PRMT8: variants seen among roughly 807,000 people sequenced by gnomAD.
PRMT8 encodes the protein protein arginine N-methyltransferase 8.
PRMT8 carries 7 observed loss-of-function variants against 47.1 expected under a neutral mutation model. That is an observed-to-expected ratio of 0.15 (90% confidence interval 0.08 to 0.28). The LOEUF (loss-of-function observed/expected upper bound fraction) is 0.28. Among genes scored for constraint, PRMT8 ranks in the 10% least tolerant of loss-of-function variants. The probability of loss-of-function intolerance (pLI) is 1.00; values close to 1 mark genes in which losing one functional copy is unlikely to be tolerated. For synonymous variants in PRMT8, 188 were observed against 186.5 expected (o/e 1.01, Z -0.07); for missense variants, 237 against 505.4 (o/e 0.47, Z 5.09).
intron 1 of PRMT8, among the ~76,000 whole-genome samples, chr12:3,505,652 CAG>C (rs1865612368): frequency 6.6e-6 from 1 of 152,194 alleles, no homozygotes; most frequent in South Asian, 2.1e-4. Context: ...CTGAAATTTG[CAG>C]AGTTTCATTA....
chr12:3,533,935 C>T (rs1040350775), intron 1 of PRMT8, among the ~76,000 whole-genome samples: 12 of 152,310 alleles, frequency 7.9e-5, no homozygotes, highest in South Asian at 2.1e-4. Flanking sequence ...TTATGCAGAA[C>T]GGGAGCCACA....
chr12:3,526,876 G>A (rs1865956521), intron 1 of PRMT8, among the ~76,000 whole-genome samples: 1 of 152,066 alleles, frequency 6.6e-6, no homozygotes, highest in Non-Finnish European at 1.5e-5. Context: ...CTTTTATTAT[G>A]TTAAAGTAAG....
chr12:3,589,606 T>C (rs1017474232), intron 8 of PRMT8, among the ~76,000 whole-genome samples: 3 of 152,226 alleles, frequency 2.0e-5, no homozygotes, highest in Non-Finnish European at 4.4e-5. Context: ...CAGCTTCTCC[T>C]GGGCACTTTG....
intron 1 of PRMT8, among the ~76,000 whole-genome samples, chr12:3,484,983 C>G (rs1424994395): frequency 2.0e-5 from 3 of 152,162 alleles, no homozygotes; most frequent in Non-Finnish European, 2.9e-5. Context: ...TCAATCCAGG[C>G]TCTCCTGCAG....
At chr12:3,440,464 C>CAAACAAAACAAAACAAAACA (rs58748503) in intron 1 of PRMT8, among the ~76,000 whole-genome samples, 1 of 148,284 alleles carries the variant, frequency 6.7e-6, no homozygotes, top group East Asian at 2.0e-4. Context: ...TCCGTCAAAA[C>CAAACAAAACAAAACAAAACA]AAACAAAACA....
intron 1 of PRMT8, among the ~76,000 whole-genome samples, chr12:3,390,077 T>G (rs1177891375): frequency 1.3e-5 from 2 of 151,626 alleles, no homozygotes; most frequent in African/African-American, 2.4e-5. Flanking sequence ...GGAGAGAGAG[T>G]GGGGAGAAGA....
chr12:3,577,444 A>G (rs933980663), intron 7 of PRMT8, among the ~76,000 whole-genome samples: 2 of 152,038 alleles, frequency 1.3e-5, no homozygotes, highest in African/African-American at 4.8e-5. Context: ...TAGAGCTTCC[A>G]GCTGCCCCTT....
intron 1 of PRMT8, among the ~76,000 whole-genome samples, chr12:3,505,285 C>G (rs532825094): frequency 1.3e-5 from 2 of 152,158 alleles, no homozygotes; most frequent in African/African-American, 4.8e-5. Context: ...TTTAGGACTT[C>G]GACACATGTT....
intron 2 of PRMT8, among the ~76,000 whole-genome samples, chr12:3,547,616 C>G (rs1866347845): frequency 6.6e-6 from 1 of 151,812 alleles, no homozygotes; most frequent in Admixed American, 6.6e-5. Flanking sequence ...CATCTCTACC[C>G]CCAAAATACA....
intron 1 of PRMT8, among the ~76,000 whole-genome samples, chr12:3,482,765 C>T (rs544376449): frequency 2.4e-4 from 37 of 152,278 alleles, no homozygotes; most frequent in Admixed American, 9.8e-4. Context: ...TTCAGCCATA[C>T]GCCACATGTC....
intron 7 of PRMT8, among the ~76,000 whole-genome samples, chr12:3,582,738 G>C (rs1867090496): frequency 6.6e-6 from 1 of 152,134 alleles, no homozygotes; most frequent in African/African-American, 2.4e-5. Flanking sequence ...GGGATGCATT[G>C]TCTAATTAAC....
At chr12:3,482,136 G>A (rs1865280371) in intron 1 of PRMT8, among the ~76,000 whole-genome samples, 1 of 152,186 alleles carries the variant, frequency 6.6e-6, no homozygotes, top group African/African-American at 2.4e-5. Context: ...AATCTTCCAG[G>A]ACTTGTTTTA....
At position 3,514,762 on chromosome 12, in the gene PRMT8, A is replaced by G. The variant is rs539515255; in HGVS notation, c.75+23062A>G. Among the ~76,000 whole-genome samples the G allele has an allele frequency of 6.6e-6, 1 of 152,146 alleles. No individual in the cohort carries two copies. Among genetic ancestry groups the G allele is most frequent in the Admixed American group, 6.5e-5 (1 of 15,298 alleles). ...GCATTGATTCCCTCGGCCCCTCCCTATGGGGGTCACTGTCGACCTGCTCTT... is the reference window on the plus strand; with the variant it reads ...GCATTGATTCCCTCGGCCCCTCCCTGTGGGGGTCACTGTCGACCTGCTCTT... On this transcript the variant is annotated intron_variant, in intron 1 of 9. Transcript: ENST00000382622. This position sits in a 1 kb window ranked among gnomAD's most constrained non-coding sequence, Gnocchi z 5.9.
chr12:3,393,189 T>C (rs1311802091), intron 1 of PRMT8, among the ~76,000 whole-genome samples: 1 of 152,238 alleles, frequency 6.6e-6, no homozygotes, highest in African/African-American at 2.4e-5. Context: ...TGGTAGTTTA[T>C]TTTGCTGTGC....
Position 3,569,404 on chromosome 12 carries a change from G to C in PRMT8, c.625-73G>C. On this transcript the variant is annotated intron_variant, in intron 5 of 9. Transcript: ENST00000382622. This position sits in a 1 kb window ranked among gnomAD's most constrained non-coding sequence, Gnocchi z 8.2. Reference sequence around the variant, plus strand: ...GGGGGTGCTTGTCTGGTGACTCTATGTGCAGTTCAAAATGTGATGTCTTTG... The same window carrying C: ...GGGGGTGCTTGTCTGGTGACTCTATCTGCAGTTCAAAATGTGATGTCTTTG... 8.0e-7 allele frequency: 1 copy of C among 1,244,958 alleles called. No homozygotes were observed. Among genetic ancestry groups the C allele is most frequent in the Non-Finnish European group, 1.2e-6 (1 of 843,382 alleles). The allele number at this position is 1,244,958 out of a possible 1,614,324, so 77.1% of individuals were successfully genotyped here.
intron 1 of PRMT8, among the ~76,000 whole-genome samples, chr12:3,403,650 C>T (rs968626608): frequency 7.2e-5 from 11 of 151,862 alleles, no homozygotes; most frequent in Middle Eastern, 3.4e-3. Context: ...GAGGCTGAGG[C>T]GGCAGATCAC....
rs1867371353 is a variant in PRMT8 at position 3,593,910 on chromosome 12, C to T, written c.*728C>T. On this transcript the variant is annotated 3_prime_UTR_variant, in exon 10 of 10. Coordinates refer to ENST00000382622, the MANE Select transcript of PRMT8 (RefSeq NM_019854.5). This position sits in a 1 kb window ranked among gnomAD's most constrained non-coding sequence, Gnocchi z 4.8. ...TGGTCTCCTTTTGACTGGACTGTGG[C>T]TCTGAACCTTGAGCATAGTACCACG... The T allele has an allele frequency of 6.5e-6, 1 of 152,884 alleles. No homozygotes were observed. The highest frequency in any genetic ancestry group is 2.4e-5 in the African/African-American group (1 of 41,444). 9.5% of individuals were successfully genotyped at this position (152,884 alleles called of 1,614,324 possible). A position where few individuals can be genotyped will look rare whatever the true frequency, so the allele number is the denominator to read the frequency against.
intron 8 of PRMT8, among the ~76,000 whole-genome samples, chr12:3,589,241 A>C (rs958374579): frequency 6.6e-6 from 1 of 152,192 alleles, no homozygotes; most frequent in East Asian, 1.9e-4. Flanking sequence ...AACAGATGTG[A>C]ACTGGAACTG....
At chr12:3,427,235 TAAA>T (rs1864614984) in intron 1 of PRMT8, among the ~76,000 whole-genome samples, 1 of 152,238 alleles carries the variant, frequency 6.6e-6, no homozygotes, top group Non-Finnish European at 1.5e-5. Flanking sequence ...TTAGTTTTAA[TAAA>T]ACCTTGTAGA....
Sources: gnomAD v4.1 joint callset for allele counts (sites outside exome capture counted in the v4.1 genomes callset) on GRCh38, gnomAD v4.1.1 for gene constraint, Gnocchi (gnomAD v3.1) non-coding constraint, MANE v1.5 for transcripts, NCBI Gene and HGNC (gene_info 2026-07-23, HGNC 2026-07-21) for gene names.